Variants in THSD7B observed in about 807,000 individuals in gnomAD.
The protein encoded by THSD7B is thrombospondin type-1 domain-containing protein 7B.
In THSD7B, 138 loss-of-function variants were observed where a neutral mutation model predicts 213.6. The observed-to-expected ratio is 0.65, with a 90% CI of 0.56 to 0.74. The LOEUF (loss-of-function observed/expected upper bound fraction) is 0.74. THSD7B is among the 30% of genes least tolerant of loss of function. The pLI, the probability that THSD7B is intolerant of heterozygous loss-of-function variation, is 0.00. For synonymous variants in THSD7B, 742 were observed against 687.0 expected (o/e 1.08, Z -1.25); for missense variants, 1,931 against 1,991.5 (o/e 0.97, Z 0.58).
At chr2:137,430,069 C>T (rs1573621049) in intron 14 of THSD7B, among the ~76,000 whole-genome samples, 1 of 151,866 alleles carries the variant, frequency 6.6e-6, no homozygotes, top group Admixed American at 6.6e-5. Flanking sequence ...ATAAGGAGAC[C>T]CCATCTCCAC....
At chr2:137,277,405 G>A (rs1442839894) in intron 12 of THSD7B, among the ~76,000 whole-genome samples, 1 of 152,010 alleles carries the variant, frequency 6.6e-6, no homozygotes. Context: ...AGCATTCCTG[G>A]TGTTTAGTTG....
intron 15 of THSD7B, among the ~76,000 whole-genome samples, chr2:137,457,532 C>G (rs1687786587): frequency 6.6e-6 from 1 of 152,106 alleles, no homozygotes; most frequent in Non-Finnish European, 1.5e-5. Flanking sequence ...TCCCTTAACT[C>G]CTAAAGCCCT....
chr2:137,276,178 G>A (rs1338075584), intron 12 of THSD7B, among the ~76,000 whole-genome samples, 152 bp downstream of exon 12: 3 of 142,406 alleles, frequency 2.1e-5, no homozygotes, highest in African/African-American at 7.9e-5. Context: ...ATAGGATTTG[G>A]CATAGTTAGC....
intron 2 of THSD7B, among the ~76,000 whole-genome samples, chr2:136,929,837 G>A (rs752992197): frequency 3.3e-5 from 5 of 152,094 alleles, no homozygotes; most frequent in Non-Finnish European, 4.4e-5. Context: ...CTCCTGTGTC[G>A]CATGACTAGA....
At chr2:137,345,669 A>G (rs1156567791) in intron 12 of THSD7B, among the ~76,000 whole-genome samples, 1 of 151,662 alleles carries the variant, frequency 6.6e-6, no homozygotes, top group African/African-American at 2.4e-5. Flanking sequence ...GCAATTAAAG[A>G]AAGAAAAATA....
chr2:137,128,342 AG>A (rs978032650), intron 5 of THSD7B, among the ~76,000 whole-genome samples: 3 of 152,238 alleles, frequency 2.0e-5, no homozygotes, highest in Non-Finnish European at 4.4e-5. Flanking sequence ...TAAGACTTAA[AG>A]AAATTGTATT....
At chr2:136,943,832 G>A (rs1288043775) in intron 2 of THSD7B, among the ~76,000 whole-genome samples, 1 of 152,060 alleles carries the variant, frequency 6.6e-6, no homozygotes, top group Non-Finnish European at 1.5e-5. Context: ...CAAAAAACCA[G>A]CTCCTCGATT....
chr2:136,856,296 A>G (rs964176852), intron 1 of THSD7B, among the ~76,000 whole-genome samples: 4 of 152,136 alleles, frequency 2.6e-5, no homozygotes, highest in Non-Finnish European at 5.9e-5. Context: ...GGAAAGGTTG[A>G]GGGGTCTTCC....
chr2:137,616,081 A>G, intron 17 of THSD7B, 94 bp from the exon 18 acceptor site: 3 of 1,265,400 alleles, frequency 2.4e-6, no homozygotes, highest in South Asian at 1.6e-5. Flanking sequence ...TATTCCCTAT[A>G]TTGTTACATA....
In THSD7B at chr2:137,349,127, C is replaced by G. The variant is rs914025900; in HGVS notation, c.2501-56486C>G. The stretch of plus-strand genomic sequence containing the variant: ...CCATATTTTGTCCTGTGGCAAAACT[C>G]TTTATTTGACTCTACAATCAAAGTG... On this transcript the variant is annotated intron_variant, in intron 12 of 27. Coordinates refer to ENST00000409968, the MANE Select transcript of THSD7B (RefSeq NM_001316349.2). 2.6e-5 allele frequency among the ~76,000 whole-genome samples: 4 copies of G among 151,654 alleles called. No individual in the cohort carries two copies. In the East Asian group the frequency reaches 5.8e-4, roughly 22 times the overall value.
intron 1 of THSD7B, among the ~76,000 whole-genome samples, chr2:136,783,071 G>T (rs1226225919): frequency 6.6e-6 from 1 of 152,138 alleles, no homozygotes; most frequent in Non-Finnish European, 1.5e-5. Context: ...TTCCATGCAT[G>T]CTCATCTTCT....
intron 7 of THSD7B, among the ~76,000 whole-genome samples, chr2:137,224,105 G>C (rs2196346): frequency 1.7e-4 from 26 of 152,026 alleles, no homozygotes; most frequent in African/African-American, 5.6e-4. Flanking sequence ...TAAGACATTT[G>C]GTTAGATTTT....
intron 12 of THSD7B, among the ~76,000 whole-genome samples, chr2:137,371,515 A>C (rs2104949939): frequency 6.6e-6 from 1 of 152,278 alleles, no homozygotes; most frequent in East Asian, 1.9e-4. Context: ...ATTTTAATTA[A>C]ATTGATTGGA....
At chr2:137,057,330 C>T (rs1298706008) in intron 3 of THSD7B, 100 bp downstream of exon 3, 13 of 1,208,926 alleles carry the variant, frequency 1.1e-5, no homozygotes, top group Admixed American at 6.0e-5. Flanking sequence ...AAAATGGCAA[C>T]GAGGTTTATA....
intron 2 of THSD7B, among the ~76,000 whole-genome samples, chr2:137,025,510 A>T (rs1686535093): frequency 6.6e-6 from 1 of 152,118 alleles, no homozygotes; most frequent in South Asian, 2.1e-4. Flanking sequence ...TAGATCCCCA[A>T]ATAGTATACT....
chr2:137,196,951 G>C (rs977210146), intron 7 of THSD7B, among the ~76,000 whole-genome samples: 1 of 152,132 alleles, frequency 6.6e-6, no homozygotes, highest in East Asian at 1.9e-4. Flanking sequence ...CTCCTGTTAC[G>C]ATGCCCTAAG....
intron 2 of THSD7B, 117 bp downstream of exon 2, chr2:136,882,434 CTCT>C: frequency 9.4e-7 from 1 of 1,068,472 alleles, no homozygotes; most frequent in Non-Finnish European, 1.2e-6. Context: ...GAAAAATAGA[CTCT>C]TTTTTTTAAA....
chr2:136,957,966 T>G (rs962453747), intron 2 of THSD7B, among the ~76,000 whole-genome samples: 5 of 152,202 alleles, frequency 3.3e-5, no homozygotes, highest in Admixed American at 6.5e-5. Context: ...GTTATTTGTA[T>G]GTAGCAAGAT....
chr2:137,336,753 T>A (rs1684646767), intron 12 of THSD7B, among the ~76,000 whole-genome samples: 1 of 152,160 alleles, frequency 6.6e-6, no homozygotes, highest in Non-Finnish European at 1.5e-5. Context: ...TACTTTTTCT[T>A]ATTTTTAGAC....
Sources: allele counts gnomAD v4.1 joint callset (sites outside exome capture counted in the v4.1 genomes callset), GRCh38; gene constraint gnomAD v4.1.1; transcripts MANE v1.5; gene names NCBI Gene and HGNC (gene_info 2026-07-23, HGNC 2026-07-21).